PTPRN2: variants seen among roughly 807,000 people sequenced by gnomAD.
PTPRN2 encodes protein tyrosine phosphatase receptor type N2.
PTPRN2 carries 74 observed loss-of-function variants against 118.8 expected under a neutral mutation model. The ratio of observed to expected loss-of-function variants is 0.62; its 90% CI spans 0.52 to 0.76. The LOEUF is 0.76. PTPRN2 is among the 30% of genes least tolerant of loss of function. PTPRN2 has a pLI of 0.00. For missense variants in PTPRN2, 1,481 were observed against 1,394.4 expected, an observed-to-expected ratio of 1.06 and a Z score of -0.99; for synonymous variants, 641 against 608.0, an observed-to-expected ratio of 1.05 and a Z score of -0.80.
At chr7:157,976,087 G>A (rs539568468) in intron 11 of PTPRN2, among the ~76,000 whole-genome samples, 68 of 152,376 alleles carry the variant, frequency 4.5e-4, no homozygotes, top group African/African-American at 1.5e-3. Context: ...AGCACAAGGT[G>A]AGCTGGAAGC....
At position 157,771,843 on chromosome 7, in the gene PTPRN2, CACAA is replaced by C. The variant is rs765282440; in HGVS notation, c.1789-88910_1789-88907del. Among the ~76,000 whole-genome samples the C allele has an allele frequency of 2.2e-3, 321 of 146,724 alleles. 2 individuals carry two copies. The highest frequency in any genetic ancestry group is 0.02 in the Middle Eastern group (5 of 248). On this transcript the variant is annotated intron_variant, in intron 12 of 22. Transcript: ENST00000389418. The stretch of plus-strand genomic sequence containing the variant: ...GACACAGAAACACACAGACACAAGA[CACAA>C]ACAGACACACACGGAGACACAGGCA...
intron 11 of PTPRN2, among the ~76,000 whole-genome samples, chr7:158,032,880 G>A (rs1453532961): frequency 1.3e-5 from 2 of 152,220 alleles, no homozygotes; most frequent in African/African-American, 4.8e-5. Context: ...GCTGCACCAC[G>A]CTGGGAGAGA....
intron 11 of PTPRN2, among the ~76,000 whole-genome samples, chr7:158,040,390 C>A (rs528496466): frequency 1.4e-5 from 2 of 140,520 alleles, no homozygotes; most frequent in Non-Finnish European, 3.1e-5. Context: ...TACACATGTG[C>A]ACACACTTCA....
At chr7:158,274,532 CA>C (rs1248230384) in intron 3 of PTPRN2, among the ~76,000 whole-genome samples, 5 of 142,558 alleles carry the variant, frequency 3.5e-5, no homozygotes, top group African/African-American at 9.9e-5. Context: ...GCCGCAGGCA[CA>C]GGGGGAGCCA....
At chr7:157,923,414 C>T (rs886505393) in intron 11 of PTPRN2, among the ~76,000 whole-genome samples, 12 of 152,208 alleles carry the variant, frequency 7.9e-5, no homozygotes, top group African/African-American at 2.4e-4. Flanking sequence ...ACGCCACCTG[C>T]GCGCTGGCCT....
Position 158,139,491 on chromosome 7 carries a change from A to C in PTPRN2, c.911-976T>G, listed in dbSNP as rs1167493448. ...TCCAAGCCGTCGGAGTCAGGAGGGC[A>C]CGGGGGGGTGGGAAAGGAACCAGAA... is the stretch of plus-strand genomic sequence containing the variant. On this transcript the variant is annotated intron_variant, in intron 6 of 22. Transcript: ENST00000389418. Among the ~76,000 whole-genome samples, 28 of 151,160 alleles carry C rather than the reference A, an allele frequency of 1.9e-4. No individual in the cohort carries two copies. In the South Asian group the frequency reaches 3.8e-3, roughly 21 times the overall value.
At chr7:157,693,790 G>C (rs898006870) in intron 12 of PTPRN2, among the ~76,000 whole-genome samples, 10 of 151,194 alleles carry the variant, frequency 6.6e-5, no homozygotes, top group Non-Finnish European at 1.3e-4. Flanking sequence ...TCCTCGCCCT[G>C]GATCGCCGGA....
chr7:158,186,593 G>A (rs1427670093), intron 5 of PTPRN2, among the ~76,000 whole-genome samples: 1 of 150,532 alleles, frequency 6.6e-6, no homozygotes, highest in Non-Finnish European at 1.5e-5. Flanking sequence ...CCTCTGGCAT[G>A]AACGCACCTG....
At chr7:157,654,142 C>A (rs569255770) in intron 14 of PTPRN2, among the ~76,000 whole-genome samples, 1 of 115,906 alleles carries the variant, frequency 8.6e-6, no homozygotes, top group East Asian at 2.9e-4. Flanking sequence ...CTGCCCGCCA[C>A]TCCCCACACC....
At chr7:158,274,908 A>G (rs1586089066) in intron 3 of PTPRN2, among the ~76,000 whole-genome samples, 1 of 152,324 alleles carries the variant, frequency 6.6e-6, no homozygotes, top group East Asian at 1.9e-4. Flanking sequence ...TTCATCAGGG[A>G]TAAGATCTCG....
intron 12 of PTPRN2, among the ~76,000 whole-genome samples, chr7:157,712,300 A>G (rs1798685303): frequency 6.6e-6 from 1 of 152,204 alleles, no homozygotes; most frequent in Admixed American, 6.5e-5. Context: ...CTCTTAGAGT[A>G]CAAACTGTGT....
rs1412423163 is a variant in PTPRN2 at position 157,987,148 on chromosome 7, C to A, written c.1724-88411G>T. On this transcript the variant is annotated intron_variant, in intron 11 of 22. Coordinates refer to ENST00000389418, the MANE Select transcript of PTPRN2 (RefSeq NM_002847.5). This position sits in a 1 kb window ranked among gnomAD's most constrained non-coding sequence, Gnocchi z 4.3. The stretch of plus-strand genomic sequence containing the variant: ...ACAGCTGCACTGCCCCAGCACGCCG[C>A]CCACGCTTGGTCGGCAACACAGAGA... Among the ~76,000 whole-genome samples the A allele has an allele frequency of 6.6e-6, 1 of 152,174 alleles. No homozygotes were observed. Among genetic ancestry groups the A allele is most frequent in the Non-Finnish European group, 1.5e-5 (1 of 68,032 alleles).
chr7:158,534,586 A>G (rs1345073865), intron 1 of PTPRN2, among the ~76,000 whole-genome samples: 18 of 152,154 alleles, frequency 1.2e-4, no homozygotes, highest in Admixed American at 1.2e-3. Flanking sequence ...CCGTACCCCA[A>G]GAGCCTCCAT....
chr7:158,448,965 C>A (rs904335110), intron 2 of PTPRN2, among the ~76,000 whole-genome samples: 1 of 152,132 alleles, frequency 6.6e-6, no homozygotes, highest in Admixed American at 6.5e-5. Context: ...TAAGGTGACA[C>A]CCCCGCCTCC....
chr7:158,330,807 A>C (rs1228439588), intron 2 of PTPRN2, among the ~76,000 whole-genome samples: 6 of 107,486 alleles, frequency 5.6e-5, no homozygotes, highest in South Asian at 3.8e-4. Context: ...TCTCACCATA[A>C]GAGCTGACAC....
intron 14 of PTPRN2, among the ~76,000 whole-genome samples, chr7:157,630,515 G>A (rs1034767620): frequency 6.6e-6 from 1 of 152,166 alleles, no homozygotes; most frequent in Non-Finnish European, 1.5e-5. Context: ...CCGTGTGCCC[G>A]TCACGGCAGC....
At chr7:158,513,018 A>G (rs1188219763) in intron 1 of PTPRN2, among the ~76,000 whole-genome samples, 1 of 152,212 alleles carries the variant, frequency 6.6e-6, no homozygotes, top group East Asian at 1.9e-4. Context: ...AAGGAAGCAG[A>G]GCATGACGCG....
intron 2 of PTPRN2, among the ~76,000 whole-genome samples, chr7:158,345,397 G>C (rs1338582002): frequency 2.0e-5 from 3 of 152,244 alleles, no homozygotes; most frequent in African/African-American, 7.2e-5. Flanking sequence ...GGAGGCCACA[G>C]AGGGTTTTAT....
chr7:157,898,953 T>C (rs961933433), intron 11 of PTPRN2, among the ~76,000 whole-genome samples: 2 of 152,220 alleles, frequency 1.3e-5, no homozygotes, highest in African/African-American at 2.4e-5. Flanking sequence ...CCGGCACAAC[T>C]GTGCGCTTTT....
Sources: allele counts gnomAD v4.1 joint callset (sites outside exome capture counted in the v4.1 genomes callset), GRCh38; gene constraint gnomAD v4.1.1; non-coding constraint Gnocchi (gnomAD v3.1); transcripts MANE v1.5; gene names NCBI Gene and HGNC (gene_info 2026-07-23, HGNC 2026-07-21).